The following PTBP2 variants were observed in gnomAD, a reference collection of about 807,000 sequenced individuals.
PTBP2 encodes the protein polypyrimidine tract binding protein 2, also known as polypyrimidine tract-binding protein 2.
In PTBP2, 13 loss-of-function variants were observed where a neutral mutation model predicts 61.4. That is an observed-to-expected ratio of 0.21 (90% CI 0.14 to 0.34). PTBP2 has a LOEUF of 0.34. PTBP2 is among the 10% of genes least tolerant of loss of function. The pLI, the probability that PTBP2 is intolerant of heterozygous loss-of-function variation, is 1.00. For synonymous variants in PTBP2, 215 were observed against 218.5 expected (o/e 0.98, Z 0.14); for missense variants, 405 against 642.6 (o/e 0.63, Z 4.00).
intron 8 of PTBP2, among the ~76,000 whole-genome samples, chr1:96,788,037 CCTA>C (rs1367195408): frequency 4.6e-5 from 7 of 152,088 alleles, no homozygotes; most frequent in Admixed American, 3.9e-4. Flanking sequence ...GGCTGGGTGT[CCTA>C]CTTTTTCCCC....
chr1:96,794,542 A>G (rs546450164), intron 8 of PTBP2, among the ~76,000 whole-genome samples: 2 of 152,328 alleles, frequency 1.3e-5, no homozygotes, highest in South Asian at 4.1e-4. Context: ...TCATAGCCCT[A>G]GAAGGATGTT....
chr1:96,799,777 T>C lies in PTBP2; in HGVS notation c.905-5023T>C, dbSNP rs1660790042. ...GGGAGTTAAGAACAGAACTATTTTC[T>C]AGAATGTATTAATTATATAAATAGT... On this transcript the variant is annotated intron_variant, in intron 8 of 13. Coordinates refer to ENST00000674951, the MANE Select transcript of PTBP2 (RefSeq NM_021190.4). 2.0e-5 allele frequency among the ~76,000 whole-genome samples: 3 copies of C among 152,338 alleles called. 1 individual carries two copies. The South Asian group carries it at 6.2e-4, about 32-fold the overall frequency.
intron 5 of PTBP2, among the ~76,000 whole-genome samples, chr1:96,772,760 T>G (rs891543200): frequency 7.2e-5 from 11 of 152,106 alleles, no homozygotes; most frequent in Admixed American, 5.2e-4. Context: ...TCGTTATTAT[T>G]TAAGTAATTT....
intron 8 of PTBP2, among the ~76,000 whole-genome samples, chr1:96,786,056 A>T (rs1022032204): frequency 1.3e-5 from 2 of 152,184 alleles, no homozygotes; most frequent in Non-Finnish European, 2.9e-5. Context: ...TCTTTAAGTC[A>T]TGATTTTTAT....
chr1:96,769,599 T>C, intron 3 of PTBP2, 104 bp from the exon 4 acceptor site: 1 of 828,444 alleles, frequency 1.2e-6, no homozygotes, highest in South Asian at 2.9e-5. Flanking sequence ...CTCAGCTATG[T>C]TTTTAAGTTC....
chr1:96,812,310 A>C (rs1205753749), intron 11 of PTBP2, among the ~76,000 whole-genome samples: 2 of 152,158 alleles, frequency 1.3e-5, no homozygotes, highest in Non-Finnish European at 2.9e-5. Flanking sequence ...TGTCAGCGAG[A>C]AGTAGAGAAA....
intron 8 of PTBP2, among the ~76,000 whole-genome samples, chr1:96,798,941 C>T (rs1660670176): frequency 6.6e-6 from 1 of 152,116 alleles, no homozygotes; most frequent in Admixed American, 6.5e-5. Context: ...TTTAATTCTT[C>T]AGTTGAAATG....
intron 2 of PTBP2, among the ~76,000 whole-genome samples, chr1:96,740,677 T>C (rs1652878806): frequency 6.6e-6 from 1 of 152,192 alleles, no homozygotes; most frequent in Non-Finnish European, 1.5e-5. Context: ...TGTATTTTTA[T>C]CTTAAGCAAT....
chr1:96,726,347 A>C (rs1248412922), intron 2 of PTBP2, among the ~76,000 whole-genome samples: 1 of 139,936 alleles, frequency 7.1e-6, no homozygotes, highest in Non-Finnish European at 1.5e-5. Flanking sequence ...ATCTCGGCTT[A>C]CTGCAACCTC....
At chr1:96,739,626 T>G (rs981617956) in intron 2 of PTBP2, among the ~76,000 whole-genome samples, 13 of 141,112 alleles carry the variant, frequency 9.2e-5, no homozygotes, top group Non-Finnish European at 1.4e-4. Context: ...GTGTTTTTTT[T>G]TTTTTTTTTT....
In PTBP2 at chr1:96,787,011, C is replaced by G. The variant is rs1480277352; in HGVS notation, c.904+1757C>G. 4.6e-5 allele frequency among the ~76,000 whole-genome samples: 7 copies of G among 152,026 alleles called. No homozygotes were observed. In the South Asian group the frequency reaches 1.5e-3, roughly 32 times the overall value. ...TATGACCTTGCTGAAACTTTTAAAA[C>G]AATAATAAAGTCATTTTTTTTCTCT... is the stretch of plus-strand genomic sequence containing the variant. On this transcript the variant is annotated intron_variant, in intron 8 of 13. Transcript: ENST00000674951.
intron 3 of PTBP2, among the ~76,000 whole-genome samples, chr1:96,762,259 G>A (rs1003314894): frequency 6.6e-6 from 1 of 150,778 alleles, no homozygotes; most frequent in East Asian, 2.0e-4. Flanking sequence ...CCTCCCAGAC[G>A]GGGTGGTGGC....
chr1:96,806,721 CTTTA>C lies in PTBP2; in HGVS notation c.1079-142_1079-139del, dbSNP rs1285047144. 4.1e-5 allele frequency: 29 copies of C among 699,690 alleles called. No homozygotes were observed. The Middle Eastern group carries it at 1.5e-3, about 36-fold the overall frequency. 43.3% of individuals were successfully genotyped at this position (699,690 alleles called of 1,614,324 possible). ...ATTCACTGTTCAAAATCTTGATCTT[CTTTA>C]TTCATTTGTGAGAATGATGAGATTG... On this transcript the variant is annotated intron_variant, in intron 10 of 13. Transcript: ENST00000674951.
At chr1:96,776,136 T>C (rs1480674395) in intron 5 of PTBP2, among the ~76,000 whole-genome samples, 2 of 152,002 alleles carry the variant, frequency 1.3e-5, no homozygotes, top group African/African-American at 4.8e-5. Flanking sequence ...AAACATTTTA[T>C]TATTTGAAGC....
chr1:96,741,520 C>T (rs1653021546), intron 2 of PTBP2, among the ~76,000 whole-genome samples: 1 of 152,124 alleles, frequency 6.6e-6, no homozygotes, highest in Non-Finnish European at 1.5e-5. Context: ...CATTGGCCTC[C>T]TAAAGTGCTG....
At chr1:96,820,498 G>T (rs1320386104) in exon 14 of PTBP2, 2 of 151,526 alleles carry the variant, frequency 1.3e-5, no homozygotes, top group Non-Finnish European at 2.9e-5. Context: ...AACTGAACCA[G>T]CTGTGTAAGA....
intron 3 of PTBP2, among the ~76,000 whole-genome samples, chr1:96,752,438 C>T (rs978180744): frequency 6.6e-6 from 1 of 152,044 alleles, no homozygotes; most frequent in Non-Finnish European, 1.5e-5. Context: ...CACACACAAA[C>T]ACAAACACAC....
chr1:96,752,773 T>A (rs1654716975), intron 3 of PTBP2, among the ~76,000 whole-genome samples: 1 of 151,936 alleles, frequency 6.6e-6, no homozygotes, highest in African/African-American at 2.4e-5. Context: ...TTGGCCCCTT[T>A]TTCAGTCTCC....
intron 11 of PTBP2, among the ~76,000 whole-genome samples, chr1:96,812,136 T>C (rs539891629): frequency 1.3e-5 from 2 of 152,206 alleles, no homozygotes; most frequent in South Asian, 4.1e-4. Context: ...ATAAGCCATG[T>C]TAAAGAATGA....
Sources: allele counts gnomAD v4.1 joint callset (sites outside exome capture counted in the v4.1 genomes callset), GRCh38; gene constraint gnomAD v4.1.1; transcripts MANE v1.5; gene names NCBI Gene and HGNC (gene_info 2026-07-23, HGNC 2026-07-21).